The following GRM5 variants were observed in gnomAD, a reference collection of about 807,000 sequenced individuals.
GRM5 encodes the protein metabotropic glutamate receptor 5.
Under a neutral mutation model 83.1 loss-of-function variants are expected in GRM5, and 19 were observed. The ratio of observed to expected loss-of-function variants is 0.23; its 90% confidence interval spans 0.16 to 0.34. GRM5 has a LOEUF of 0.34. Among genes scored for constraint, GRM5 ranks in the 10% least tolerant of loss-of-function variants. The pLI is 1.00. For missense variants in GRM5, 1,160 were observed against 1,588.3 expected, an observed-to-expected ratio of 0.73 and a Z score of 4.58; for synonymous variants, 675 against 633.6, an observed-to-expected ratio of 1.07 and a Z score of -0.98.
At chr11:88,838,706 T>C (rs567697596) in intron 3 of GRM5, among the ~76,000 whole-genome samples, 2 of 152,212 alleles carry the variant, frequency 1.3e-5, no homozygotes, top group African/African-American at 4.8e-5. Context: ...TTTAAAAATA[T>C]CTTGCATTAT....
chr11:88,578,648 G>A (rs566202326), intron 7 of GRM5, among the ~76,000 whole-genome samples: 11 of 152,188 alleles, frequency 7.2e-5, no homozygotes, highest in East Asian at 5.8e-4. Context: ...AGTCAGTGGC[G>A]TTTACAAGTT....
chr11:88,931,774 A>G (rs1367761088), intron 2 of GRM5, among the ~76,000 whole-genome samples: 1 of 152,114 alleles, frequency 6.6e-6, no homozygotes, highest in Non-Finnish European at 1.5e-5. Context: ...TTATTTCTGT[A>G]TATGAAGAAA....
intron 2 of GRM5, among the ~76,000 whole-genome samples, chr11:88,867,767 T>C (rs951164999): frequency 1.3e-5 from 2 of 151,708 alleles, no homozygotes; most frequent in African/African-American, 4.8e-5. Flanking sequence ...AGGAGACAGA[T>C]CCTCAGAAGG....
chr11:88,649,763 C>A (rs1939583187), intron 4 of GRM5, among the ~76,000 whole-genome samples: 1 of 151,422 alleles, frequency 6.6e-6, no homozygotes, highest in Admixed American at 6.6e-5. Flanking sequence ...GAAAAATATA[C>A]ACTAATACAA....
chr11:88,747,689 C>T (rs1264856369), intron 3 of GRM5, among the ~76,000 whole-genome samples: 3 of 138,212 alleles, frequency 2.2e-5, no homozygotes, highest in East Asian at 4.5e-4. Context: ...TGCAGTTTGT[C>T]TAACCGGCTA....
chr11:89,025,234 C>A (rs1029149315), intron 2 of GRM5, among the ~76,000 whole-genome samples: 12 of 152,184 alleles, frequency 7.9e-5, no homozygotes, highest in African/African-American at 2.9e-4. Context: ...TAACTCTGTT[C>A]AAGAGATATC....
chr11:88,994,605 T>C (rs1371042860), intron 2 of GRM5, among the ~76,000 whole-genome samples: 1 of 135,846 alleles, frequency 7.4e-6, no homozygotes, highest in Non-Finnish European at 1.5e-5. Flanking sequence ...AATTAAAGCA[T>C]TACAGAAAAA....
chr11:88,983,736 T>C (rs183589329), intron 2 of GRM5, among the ~76,000 whole-genome samples: 2 of 152,134 alleles, frequency 1.3e-5, no homozygotes, highest in Non-Finnish European at 2.9e-5. Context: ...AAGTTACCTG[T>C]AAAACAGCCC....
At position 88,793,741 on chromosome 11, in the gene GRM5, G is replaced by T. The variant is rs140983834; in HGVS notation, c.911+56165C>A. 5.1e-3 allele frequency among the ~76,000 whole-genome samples: 776 copies of T among 152,248 alleles called. 15 individuals are homozygous for T. In the East Asian group the frequency reaches 0.071, roughly 14 times the overall value. On this transcript the variant is annotated intron_variant, in intron 3 of 9. Coordinates refer to ENST00000305447, the MANE Select transcript of GRM5 (RefSeq NM_001143831.3). Reference sequence around the variant, plus strand: ...AATACGGGAGTCAGGAAGCACTCAAGAAGTTAAGTAAGAAAGAAGGATCTG... The same window carrying T: ...AATACGGGAGTCAGGAAGCACTCAATAAGTTAAGTAAGAAAGAAGGATCTG...
intron 3 of GRM5, among the ~76,000 whole-genome samples, chr11:88,830,968 C>T (rs190119508): frequency 1.3e-5 from 2 of 152,200 alleles, no homozygotes; most frequent in East Asian, 3.9e-4. Flanking sequence ...GACTTAGCAT[C>T]ATGAGAACAG....
At chr11:89,037,020 G>A (rs1462022794) in intron 2 of GRM5, among the ~76,000 whole-genome samples, 1 of 151,972 alleles carries the variant, frequency 6.6e-6, no homozygotes, top group Admixed American at 6.6e-5. Context: ...AGAGAATAGT[G>A]GAAGACTGCC....
chr11:88,623,416 C>T (rs927180209), intron 4 of GRM5, among the ~76,000 whole-genome samples: 4 of 152,170 alleles, frequency 2.6e-5, no homozygotes, highest in African/African-American at 9.7e-5. Flanking sequence ...AGGTGTGAGC[C>T]ACCGTGCCCG....
rs1020430404 is a variant in GRM5 at position 89,047,143 on chromosome 11, T to C, written c.661+69A>G. The C allele has an allele frequency of 9.1e-5, 114 of 1,255,794 alleles. No individual in the cohort carries two copies. The highest frequency in any genetic ancestry group is 1.2e-4 in the Non-Finnish European group (108 of 890,908). The allele number at this position is 1,255,794 out of a possible 1,614,324, so 77.8% of individuals were successfully genotyped here. ...AAAATAATTAGGAATAGTTTACTCT[T>C]CCCAAACCTGAAATTGTAACTGTTG... On this transcript the variant is annotated intron_variant, in intron 2 of 9. Coordinates refer to ENST00000305447, the MANE Select transcript of GRM5 (RefSeq NM_001143831.3). This position sits in a 1 kb window ranked among gnomAD's most constrained non-coding sequence, Gnocchi z 5.1.
chr11:88,554,234 A>C (rs1008023728), intron 8 of GRM5, among the ~76,000 whole-genome samples: 1 of 151,308 alleles, frequency 6.6e-6, no homozygotes, highest in African/African-American at 2.4e-5. Flanking sequence ...CTTCCTCCAC[A>C]TTCAAAGCCA....
At chr11:89,001,587 T>C (rs931912097) in intron 2 of GRM5, among the ~76,000 whole-genome samples, 2 of 152,064 alleles carry the variant, frequency 1.3e-5, no homozygotes, top group African/African-American at 2.4e-5. Context: ...AAAGTAAACA[T>C]GAAGGATCTT....
intron 2 of GRM5, among the ~76,000 whole-genome samples, chr11:88,973,568 G>C (rs1939234198): frequency 6.6e-6 from 1 of 152,104 alleles, no homozygotes; most frequent in South Asian, 2.1e-4. Context: ...AACATTAGTT[G>C]AAAGAAGCAA....
At chr11:89,031,167 T>C (rs1385615600) in intron 2 of GRM5, among the ~76,000 whole-genome samples, 1 of 151,966 alleles carries the variant, frequency 6.6e-6, no homozygotes, top group Non-Finnish European at 1.5e-5. Flanking sequence ...GGGATATCCA[T>C]GGGAAGGGAT....
intron 2 of GRM5, among the ~76,000 whole-genome samples, chr11:88,993,463 T>A (rs1316572509): frequency 1.3e-5 from 2 of 152,156 alleles, no homozygotes; most frequent in African/African-American, 2.4e-5. Flanking sequence ...TACGTCTGTT[T>A]TGAACTGAGT....
At chr11:88,556,481 C>T (rs575218721) in intron 8 of GRM5, among the ~76,000 whole-genome samples, 2 of 152,032 alleles carry the variant, frequency 1.3e-5, no homozygotes, top group East Asian at 3.9e-4. Flanking sequence ...CACCATCATG[C>T]CCCGCTAATT....
Sources: gnomAD v4.1 joint callset for allele counts (sites outside exome capture counted in the v4.1 genomes callset) on GRCh38, gnomAD v4.1.1 for gene constraint, Gnocchi (gnomAD v3.1) non-coding constraint, MANE v1.5 for transcripts, NCBI Gene and HGNC (gene_info 2026-07-23, HGNC 2026-07-21) for gene names.